PCDHA13: variants seen among roughly 807,000 people sequenced by gnomAD.
PCDHA13 encodes protocadherin alpha 13.
PCDHA13 carries 54 observed loss-of-function variants against 64.8 expected under a neutral mutation model. The ratio of observed to expected loss-of-function variants is 0.83; its 90% CI spans 0.67 to 1.04. PCDHA13 has a LOEUF of 1.04. PCDHA13 is among the 50% of genes least tolerant of loss of function. The pLI is 0.00. For synonymous variants in PCDHA13, 587 were observed against 564.4 expected, an observed-to-expected ratio of 1.04 and a Z score of -0.57; for missense variants, 1,248 against 1,254.3, an observed-to-expected ratio of 0.99 and a Z score of 0.08.
intron 1 of PCDHA13, among the ~76,000 whole-genome samples, chr5:140,932,398 T>C (rs1163806647): frequency 6.6e-6 from 1 of 151,960 alleles, no homozygotes; most frequent in Non-Finnish European, 1.5e-5. Flanking sequence ...AGTTTCAACA[T>C]ACCAATGTTA....
chr5:140,982,416 A>C, intron 2 of PCDHA13, 59 bp from the exon 3 acceptor site: 1 of 1,610,294 alleles, frequency 6.2e-7, no homozygotes, highest in Non-Finnish European at 8.5e-7. Context: ...TGAGGGTGGA[A>C]GAAGAGATGG....
In PCDHA13 at chr5:141,011,716, A is replaced by G. The variant is rs975588316; in HGVS notation, c.*1779A>G. 6.5e-6 allele frequency: 1 copy of G among 153,764 alleles called. No homozygotes were observed. Among genetic ancestry groups the G allele is most frequent in the African/African-American group, 2.4e-5 (1 of 41,450 alleles). 9.5% of individuals were successfully genotyped at this position (153,764 alleles called of 1,614,324 possible). On this transcript the variant is annotated 3_prime_UTR_variant, in exon 4 of 4. Transcript: ENST00000289272. Reference sequence around the variant, plus strand: ...TTGGAATGAATACTGACAATATTCCATGAGGGTGTGCAAGCACAAATTTTA... The same window carrying G: ...TTGGAATGAATACTGACAATATTCCGTGAGGGTGTGCAAGCACAAATTTTA...
At chr5:140,892,260 T>C (rs2063449120) in intron 1 of PCDHA13, among the ~76,000 whole-genome samples, 1 of 152,218 alleles carries the variant, frequency 6.6e-6, no homozygotes, top group East Asian at 1.9e-4. Flanking sequence ...TCTTTGATTT[T>C]GTGCTGAAAG....
At position 141,009,850 on chromosome 5, in the gene PCDHA13, CAAGAAAAAG is replaced by C. The variant is rs782749911; in HGVS notation, c.2781_2789del (p.Lys928_Lys930del). 6.2e-6 allele frequency: 10 copies of C among 1,613,454 alleles called. No individual in the cohort carries two copies. The highest frequency in any genetic ancestry group is 1.7e-5 in the Admixed American group (1 of 59,950). ...TAACCTTCGGCAAAAAGGAGGAGAC[CAAGAAAAAG>C]AAGAAAAAGAAGAAGGGTAACAAGA... is the stretch of plus-strand genomic sequence containing the variant. On this transcript the variant is annotated inframe_deletion, in exon 4 of 4. Coordinates refer to ENST00000289272, the MANE Select transcript of PCDHA13 (RefSeq NM_018904.3).
Position 141,009,979 on chromosome 5 carries a change from T to C in PCDHA13, c.*42T>C. 2.5e-6 allele frequency: 4 copies of C among 1,583,392 alleles called. No individual in the cohort carries two copies. Among genetic ancestry groups the C allele is most frequent in the Non-Finnish European group, 3.4e-6 (4 of 1,168,152 alleles). On this transcript the variant is annotated 3_prime_UTR_variant, in exon 4 of 4. Coordinates refer to ENST00000289272, the MANE Select transcript of PCDHA13 (RefSeq NM_018904.3). The stretch of plus-strand genomic sequence containing the variant: ...CAAGCCACTTAGCCAGTTTTTGTAA[T>C]AATGGCAAATCTCTCCCATGTAGCA...
intron 1 of PCDHA13, among the ~76,000 whole-genome samples, chr5:140,974,630 A>G (rs1252889789): frequency 6.7e-6 from 1 of 149,794 alleles, no homozygotes; most frequent in Non-Finnish European, 1.5e-5. Context: ...TCCTGCCTCA[A>G]CCTCCCGAGT....
intron 1 of PCDHA13, chr5:140,927,371 G>GCTACAGCCTAAGCC: frequency 6.2e-7 from 1 of 1,614,080 alleles, no homozygotes; most frequent in Non-Finnish European, 8.5e-7. Context: ...GGGATACTAA[G>GCTACAGCCTAAGCC]CTACAGCCTA....
At chr5:140,892,623 C>T (rs2153438758) in intron 1 of PCDHA13, among the ~76,000 whole-genome samples, 1 of 152,114 alleles carries the variant, frequency 6.6e-6, no homozygotes, top group East Asian at 1.9e-4. Flanking sequence ...CCAGTTGGTA[C>T]ATAATAATTG....
chr5:140,993,459 TTC>T lies in PCDHA13; in HGVS notation c.2542+10899_2542+10900del, dbSNP rs202191067. Among the ~76,000 whole-genome samples the T allele has an allele frequency of 6.6e-3, 550 of 83,072 alleles. 5 individuals carry two copies. The highest frequency in any genetic ancestry group is 0.016 in the African/African-American group (346 of 21,866). The allele number at this position is 83,072 out of a possible 152,430, so 54.5% of individuals were successfully genotyped here. ...ATTCATTCCTGTTCTCCTTCTTTCTTTCTCACACACACACACACACACACACA... is the reference window on the plus strand; with the variant it reads ...ATTCATTCCTGTTCTCCTTCTTTCTTTCACACACACACACACACACACACA... On this transcript the variant is annotated intron_variant, in intron 3 of 3. Transcript: ENST00000289272.
chr5:140,945,689 T>G (rs529270613), intron 1 of PCDHA13, among the ~76,000 whole-genome samples: 30 of 152,170 alleles, frequency 2.0e-4, no homozygotes, highest in African/African-American at 7.0e-4. Context: ...ACAGTTACTG[T>G]CCACTGATTT....
chr5:140,912,164 CT>C (rs1281307479), intron 1 of PCDHA13, among the ~76,000 whole-genome samples: 1 of 152,158 alleles, frequency 6.6e-6, no homozygotes, highest in Non-Finnish European at 1.5e-5. Flanking sequence ...TTTATTCTGG[CT>C]GTGCTGGCAG....
chr5:140,901,268 T>C (rs185427298), intron 1 of PCDHA13, among the ~76,000 whole-genome samples: 57 of 152,328 alleles, frequency 3.7e-4, no homozygotes, highest in African/African-American at 1.3e-3. Context: ...TGTGGGGTAT[T>C]ACTCAAGAAA....
chr5:140,906,893 GT>G (rs1191460812), intron 1 of PCDHA13, among the ~76,000 whole-genome samples: 7 of 152,170 alleles, frequency 4.6e-5, no homozygotes, highest in Admixed American at 6.5e-5. Context: ...TTCTTAGATT[GT>G]TGGTTTAAAG....
chr5:140,892,534 T>C (rs1554185241), intron 1 of PCDHA13, among the ~76,000 whole-genome samples: 2 of 152,254 alleles, frequency 1.3e-5, no homozygotes, highest in African/African-American at 2.4e-5. Context: ...CTCAGGATTC[T>C]GACTTTTGTT....
At chr5:140,889,632 C>T (rs265311) in intron 1 of PCDHA13, among the ~76,000 whole-genome samples, 138,318 of 152,176 alleles carry the variant, frequency 0.91, 63,092 homozygotes, top group East Asian at 1. Context: ...CTCTTCTTTT[C>T]ATTTGTGTTT....
intron 1 of PCDHA13, among the ~76,000 whole-genome samples, chr5:140,943,453 G>A (rs545980639): frequency 2.6e-5 from 4 of 152,040 alleles, no homozygotes; most frequent in Non-Finnish European, 5.9e-5. Context: ...GAATTGATAA[G>A]GCTAAATGTG....
intron 1 of PCDHA13, chr5:140,969,388 A>G: frequency 6.3e-7 from 1 of 1,595,066 alleles, no homozygotes; most frequent in Non-Finnish European, 8.5e-7. Flanking sequence ...CACATCCCCC[A>G]ATATCCTGTG....
At chr5:140,885,012 G>A (rs73793512) in intron 1 of PCDHA13, among the ~76,000 whole-genome samples, 2,131 of 152,234 alleles carry the variant, frequency 0.014, 45 homozygotes, top group African/African-American at 0.049. Flanking sequence ...GAGGCTAATC[G>A]TAATCTTAAA....
chr5:140,893,433 G>A (rs1441735373), intron 1 of PCDHA13, among the ~76,000 whole-genome samples: 3 of 152,006 alleles, frequency 2.0e-5, no homozygotes, highest in African/African-American at 4.8e-5. Context: ...CAGGAAGATC[G>A]CTTGAAGCCA....
Sources: allele counts gnomAD v4.1 joint callset (sites outside exome capture counted in the v4.1 genomes callset), GRCh38; gene constraint gnomAD v4.1.1; transcripts MANE v1.5; gene names NCBI Gene and HGNC (gene_info 2026-07-23, HGNC 2026-07-21).